The following ERI3 variants were observed in gnomAD, a reference collection of about 807,000 sequenced individuals.
ERI3 encodes the protein ERI1 exoribonuclease 3.
ERI3 carries 18 observed loss-of-function variants against 44.4 expected under a neutral mutation model. That is an observed-to-expected ratio of 0.41 (90% confidence interval 0.28 to 0.60). The LOEUF is 0.60. ERI3 is among the 20% of genes least tolerant of loss of function. ERI3 has a pLI of 0.36. For synonymous variants in ERI3, 183 were observed against 164.8 expected (o/e 1.11, Z -0.84); for missense variants, 294 against 435.5 (o/e 0.68, Z 2.89).
At chr1:44,279,577 T>A (rs2154322795) in intron 7 of ERI3, among the ~76,000 whole-genome samples, 1 of 152,262 alleles carries the variant, frequency 6.6e-6, no homozygotes, top group Non-Finnish European at 1.5e-5. Context: ...CACACCTATG[T>A]ACTTAACTGC....
At chr1:44,353,310 C>T in intron 1 of ERI3, 1 of 985,300 alleles carries the variant, frequency 1.0e-6, no homozygotes, top group Non-Finnish European at 1.2e-6. Flanking sequence ...GGGTTGGTTG[C>T]CACAAATCCA....
At chr1:44,354,781 G>A (rs957328964) in intron 1 of ERI3, 111 bp downstream of exon 1, 3 of 1,273,442 alleles carry the variant, frequency 2.4e-6, no homozygotes, top group South Asian at 7.3e-5. Context: ...AGCATCCAGG[G>A]TAAGCACATG....
chr1:44,351,267 CA>C (rs2154332451), intron 2 of ERI3, among the ~76,000 whole-genome samples: 1 of 152,284 alleles, frequency 6.6e-6, no homozygotes, highest in South Asian at 2.1e-4. Context: ...CTCCTGACGT[CA>C]AGTGATCTGC....
chr1:44,265,070 C>T (rs1219055564), intron 7 of ERI3, among the ~76,000 whole-genome samples: 1 of 152,144 alleles, frequency 6.6e-6, no homozygotes, highest in African/African-American at 2.4e-5. Flanking sequence ...CCACCCAGCC[C>T]AACACTCCCT....
chr1:44,354,205 C>T, intron 1 of ERI3: 1 of 985,342 alleles, frequency 1.0e-6, no homozygotes, highest in Middle Eastern at 5.2e-4. Context: ...GTTTTGCTGC[C>T]CTTCCGCTGG....
chr1:44,311,434 A>T (rs1645970556), intron 5 of ERI3, among the ~76,000 whole-genome samples: 1 of 152,194 alleles, frequency 6.6e-6, no homozygotes, highest in African/African-American at 2.4e-5. Flanking sequence ...AATGAGATGA[A>T]GCAGAGCCCG....
chr1:44,226,248 G>A (rs1304130521), intron 8 of ERI3, among the ~76,000 whole-genome samples: 2 of 151,994 alleles, frequency 1.3e-5, no homozygotes, highest in African/African-American at 4.8e-5. Flanking sequence ...AGATGAAGCT[G>A]GTGGTCAGTG....
intron 7 of ERI3, among the ~76,000 whole-genome samples, chr1:44,254,234 C>G (rs1170972759): frequency 6.6e-6 from 1 of 152,130 alleles, no homozygotes; most frequent in Non-Finnish European, 1.5e-5. Flanking sequence ...TCTCCTCTAC[C>G]TATTTCAGTC....
chr1:44,296,615 T>C (rs1645617033), intron 6 of ERI3, among the ~76,000 whole-genome samples: 2 of 152,156 alleles, frequency 1.3e-5, no homozygotes, highest in Non-Finnish European at 2.9e-5. Context: ...AACCCAAAAC[T>C]ACTGGCAGGT....
Position 44,319,513 on chromosome 1 carries a change from A to C in ERI3, c.606+115T>G, listed in dbSNP as rs555634058. The C allele has an allele frequency of 1.4e-4, 95 of 696,704 alleles. No homozygotes were observed. The African/African-American group carries it at 1.5e-3, about 11-fold the overall frequency. 43.2% of individuals were successfully genotyped at this position (696,704 alleles called of 1,614,324 possible). On this transcript the variant is annotated intron_variant, in intron 4 of 8. Coordinates refer to ENST00000372257, the MANE Select transcript of ERI3 (RefSeq NM_024066.3). ...AACCTAACTGCTAGGTCTAGTGTGC[A>C]CTTGCCTTAAGGATTGATAAGCCCT...
intron 3 of ERI3, among the ~76,000 whole-genome samples, chr1:44,338,148 G>C (rs1259071609): frequency 6.6e-6 from 1 of 152,170 alleles, no homozygotes; most frequent in Non-Finnish European, 1.5e-5. Context: ...CAAAGAAATT[G>C]TCCTTTCCAA....
chr1:44,323,351 T>C (rs1173427997), intron 3 of ERI3, among the ~76,000 whole-genome samples: 1 of 152,246 alleles, frequency 6.6e-6, no homozygotes, highest in Non-Finnish European at 1.5e-5. Flanking sequence ...AATACCTTAG[T>C]GGAGGGACGT....
At chr1:44,301,908 A>G (rs1000699207) in intron 6 of ERI3, among the ~76,000 whole-genome samples, 1 of 152,256 alleles carries the variant, frequency 6.6e-6, no homozygotes, top group Non-Finnish European at 1.5e-5. Flanking sequence ...CAAACAGCAC[A>G]CAGCCCTACA....
chr1:44,355,207 G>T lies in ERI3; in HGVS notation c.-181C>A. On this transcript the variant is annotated 5_prime_UTR_variant, in exon 1 of 9. Coordinates refer to ENST00000372257, the MANE Select transcript of ERI3 (RefSeq NM_024066.3). Reference sequence around the variant, plus strand: ...CGCCCGCTCCCCACCGCCCGTTCCCGGCCGCCTGAACAGCGGCAGCCAGCA... The same window carrying T: ...CGCCCGCTCCCCACCGCCCGTTCCCTGCCGCCTGAACAGCGGCAGCCAGCA... 1 of 1,193,694 alleles carries T rather than the reference G, an allele frequency of 8.4e-7. No homozygotes were observed. Among genetic ancestry groups the T allele is most frequent in the Non-Finnish European group, 1.0e-6 (1 of 963,596 alleles). 73.9% of individuals were successfully genotyped at this position (1,193,694 alleles called of 1,614,324 possible).
rs1222076804 is a variant in ERI3 at position 44,228,616 on chromosome 1, G to C, written c.932-6976C>G. ...AATCAAACACTTACCGCCGCTCCTGGAGGCCAGGCATGGAAATGAGGCCAT... is the reference window on the plus strand; with the variant it reads ...AATCAAACACTTACCGCCGCTCCTGCAGGCCAGGCATGGAAATGAGGCCAT... On this transcript the variant is annotated intron_variant, in intron 8 of 8. Coordinates refer to ENST00000372257, the MANE Select transcript of ERI3 (RefSeq NM_024066.3). This position sits in a 1 kb window ranked among gnomAD's most constrained non-coding sequence, Gnocchi z 4.3. Among the ~76,000 whole-genome samples, 1 of 152,168 alleles carries C rather than the reference G, an allele frequency of 6.6e-6. No homozygotes were observed.
At chr1:44,317,467 A>G (rs1195957594) in intron 4 of ERI3, among the ~76,000 whole-genome samples, 1 of 152,154 alleles carries the variant, frequency 6.6e-6, no homozygotes, top group Non-Finnish European at 1.5e-5. Flanking sequence ...TACTCAAAAT[A>G]ACAAGTCAGC....
intron 8 of ERI3, among the ~76,000 whole-genome samples, chr1:44,242,346 G>A (rs1302054649): frequency 6.6e-6 from 1 of 152,208 alleles, no homozygotes; most frequent in African/African-American, 2.4e-5. Flanking sequence ...CACCACTCAG[G>A]TCATCTGAAG....
intron 3 of ERI3, among the ~76,000 whole-genome samples, chr1:44,320,204 T>G (rs1220697246): frequency 1.3e-5 from 2 of 152,198 alleles, no homozygotes; most frequent in Non-Finnish European, 2.9e-5. Context: ...CTGGTAAGTT[T>G]CTTCATTAGT....
chr1:44,319,794 C>T, intron 3 of ERI3, 50 bp from the exon 4 acceptor site: 1 of 1,325,442 alleles, frequency 7.5e-7, no homozygotes. Context: ...TGTAATCAAC[C>T]ATTTCCAACA....
Sources: gnomAD v4.1 joint callset for allele counts (sites outside exome capture counted in the v4.1 genomes callset) on GRCh38, gnomAD v4.1.1 for gene constraint, Gnocchi (gnomAD v3.1) non-coding constraint, MANE v1.5 for transcripts, NCBI Gene and HGNC (gene_info 2026-07-23, HGNC 2026-07-21) for gene names.